The following PCDHA4 variants were observed in gnomAD, a reference collection of about 807,000 sequenced individuals.
The protein encoded by PCDHA4 is protocadherin alpha-4.
A neutral mutation model predicts 61.4 loss-of-function variants in PCDHA4; 49 were observed. The ratio of observed to expected loss-of-function variants is 0.80; its 90% CI spans 0.63 to 1.01. The LOEUF is 1.01. Ranked by LOEUF, PCDHA4 falls within the 50% of genes least tolerant of loss-of-function variation. The probability of loss-of-function intolerance (pLI) is 0.00; values close to 1 mark genes in which losing one functional copy is unlikely to be tolerated. For missense variants in PCDHA4, 1,254 were observed against 1,235.8 expected, an observed-to-expected ratio of 1.01 and a Z score of -0.22; for synonymous variants, 590 against 550.3, an observed-to-expected ratio of 1.07 and a Z score of -1.01.
chr5:140,927,317 G>T (rs782172424), intron 1 of PCDHA4: 3 of 1,614,146 alleles, frequency 1.9e-6, no homozygotes, highest in Admixed American at 1.7e-5. Flanking sequence ...CCCGGAGCCC[G>T]CTTTACTCTC....
At chr5:140,954,618 G>C (rs1312581802) in intron 1 of PCDHA4, among the ~76,000 whole-genome samples, 3 of 152,078 alleles carry the variant, frequency 2.0e-5, no homozygotes, top group Non-Finnish European at 2.9e-5. Flanking sequence ...TAATGGGCTT[G>C]TTTGGGTTTT....
rs2150234771 is a variant in PCDHA4, at chr5:140,835,383, T to C, written c.2385+25811T>C. ...AGGCTTCCCACCCCTGGCTGGTCAT[T>C]GTACAGTTCTTGTGGAAGTTGTGGA... On this transcript the variant is annotated intron_variant, in intron 1 of 3. Coordinates refer to ENST00000530339, the MANE Select transcript of PCDHA4 (RefSeq NM_018907.4). The C allele has an allele frequency of 7.4e-6, 12 of 1,613,968 alleles. No individual in the cohort carries two copies. In the South Asian group the frequency reaches 1.3e-4, roughly 18 times the overall value.
intron 1 of PCDHA4, among the ~76,000 whole-genome samples, chr5:140,955,604 C>T (rs1431862665): frequency 7.2e-5 from 11 of 152,060 alleles, no homozygotes; most frequent in Non-Finnish European, 1.5e-4. Context: ...TATAAATTAC[C>T]CAGTCTCAGG....
chr5:140,857,980 G>A (rs2045073152), intron 1 of PCDHA4: 1 of 1,597,100 alleles, frequency 6.3e-7, no homozygotes, highest in Non-Finnish European at 8.6e-7. Context: ...CGCCACGCCA[G>A]CGCCTACTGG....
chr5:140,850,208 G>A lies in PCDHA4; in HGVS notation c.2385+40636G>A, dbSNP rs2150473240. On this transcript the variant is annotated intron_variant, in intron 1 of 3. Transcript: ENST00000530339. Reference sequence around the variant, plus strand: ...CGGCGCTGCTGACACCTCGGATGAGGGGCACTGACGGCGCAGTGAGCGAGA... The same window carrying A: ...CGGCGCTGCTGACACCTCGGATGAGAGGCACTGACGGCGCAGTGAGCGAGA... 6.3e-6 allele frequency: 10 copies of A among 1,593,574 alleles called. 2 individuals carry two copies. The highest frequency in any genetic ancestry group is 6.9e-6 in the Non-Finnish European group (8 of 1,167,640).
chr5:140,842,127 C>A (rs2150329918), intron 1 of PCDHA4: 3 of 1,613,572 alleles, frequency 1.9e-6, no homozygotes, highest in African/African-American at 1.3e-5. Context: ...GCTTCTGATC[C>A]GGATGAAGGA....
In PCDHA4 at chr5:141,009,805, A is replaced by G. The variant is rs1358613672; in HGVS notation, c.2712A>G (p.Gln904=). The change falls in exon 4 of 4, where the codon CAA becomes CAG. Residue 904 remains glutamine, a synonymous_variant. Transcript: ENST00000530339. ...ISIRQEPTNS[Q]IDKSDFITFG... ...TCCGGCAGGAGCCTACTAACAGCCAAATTGACAAAAGTGACTTCATAACCT... is the reference window on the plus strand; with the variant it reads ...TCCGGCAGGAGCCTACTAACAGCCAGATTGACAAAAGTGACTTCATAACCT... The G allele has an allele frequency of 3.1e-6, 5 of 1,613,974 alleles. No homozygotes were observed. Among genetic ancestry groups the G allele is most frequent in the African/African-American group, 1.3e-5 (1 of 74,898 alleles).
At chr5:140,899,032 A>G (rs1377878756) in intron 1 of PCDHA4, among the ~76,000 whole-genome samples, 2 of 151,890 alleles carry the variant, frequency 1.3e-5, no homozygotes, top group African/African-American at 4.8e-5. Context: ...ATTTTTGTAC[A>G]TTGATTTTGT....
At chr5:140,913,122 C>A (rs2076217505) in intron 1 of PCDHA4, among the ~76,000 whole-genome samples, 1 of 152,158 alleles carries the variant, frequency 6.6e-6, no homozygotes, top group African/African-American at 2.4e-5. Context: ...TGGAAGTTAA[C>A]CCCTCCTCTA....
intron 1 of PCDHA4, among the ~76,000 whole-genome samples, chr5:140,937,417 A>T (rs1226073587): frequency 5.3e-5 from 8 of 152,154 alleles, no homozygotes; most frequent in African/African-American, 1.9e-4. Context: ...CTTTTATTAG[A>T]TAGCTGATAT....
At chr5:140,959,583 A>G (rs529440681) in intron 1 of PCDHA4, among the ~76,000 whole-genome samples, 10 of 152,332 alleles carry the variant, frequency 6.6e-5, no homozygotes, top group Admixed American at 1.3e-4. Flanking sequence ...TTTCAATTCT[A>G]TCAGCCAAGT....
In PCDHA4 at chr5:140,876,147, T is replaced by A. The variant is rs183600546; in HGVS notation, c.2385+66575T>A. 4.3e-6 allele frequency: 7 copies of A among 1,613,994 alleles called. No individual in the cohort carries two copies. The Admixed American group carries it at 1.2e-4, about 27-fold the overall frequency. ...GCGGTAAACCAGAACTAACAGGGTC[T>A]GTCCAGATTCAAATAACCGTCCTGG... is the stretch of plus-strand genomic sequence containing the variant. On this transcript the variant is annotated intron_variant, in intron 1 of 3. Transcript: ENST00000530339.
At chr5:140,920,636 G>C (rs1477753704) in intron 1 of PCDHA4, among the ~76,000 whole-genome samples, 1 of 152,096 alleles carries the variant, frequency 6.6e-6, no homozygotes, top group Non-Finnish European at 1.5e-5. Context: ...ACAAGGTCAA[G>C]AGATTGAGAC....
chr5:140,869,014 T>C (rs929309556), intron 1 of PCDHA4: 5 of 1,524,414 alleles, frequency 3.3e-6, no homozygotes, highest in Admixed American at 2.2e-5. Flanking sequence ...TGAAACTTCT[T>C]AAGAATTCAA....
intron 1 of PCDHA4, among the ~76,000 whole-genome samples, chr5:140,826,940 G>A (rs1769124499): frequency 6.6e-6 from 1 of 152,040 alleles, no homozygotes; most frequent in South Asian, 2.1e-4. Context: ...AGGTGGATGT[G>A]GAATAAGGCA....
At chr5:140,924,507 C>T (rs2081871616) in intron 1 of PCDHA4, among the ~76,000 whole-genome samples, 1 of 152,168 alleles carries the variant, frequency 6.6e-6, no homozygotes, top group African/African-American at 2.4e-5. Context: ...CAATCCCACT[C>T]TTAGTGTTAA....
At chr5:140,830,805 C>A (rs1771253279) in intron 1 of PCDHA4, 1 of 158,172 alleles carries the variant, frequency 6.3e-6, no homozygotes, top group Non-Finnish European at 1.4e-5. Flanking sequence ...ATGGGATTTT[C>A]ATTTGTTTGC....
intron 1 of PCDHA4, among the ~76,000 whole-genome samples, chr5:140,881,750 C>T (rs1161973911): frequency 6.6e-6 from 1 of 152,092 alleles, no homozygotes; most frequent in Non-Finnish European, 1.5e-5. Flanking sequence ...AGGACAGTAC[C>T]ACAAAAACCT....
intron 1 of PCDHA4, among the ~76,000 whole-genome samples, chr5:140,952,160 G>C (rs952147312): frequency 6.6e-6 from 1 of 152,044 alleles, no homozygotes; most frequent in Non-Finnish European, 1.5e-5. Flanking sequence ...GGCTTTGTGG[G>C]GTTCAGTTCC....
Sources: allele counts gnomAD v4.1 joint callset (sites outside exome capture counted in the v4.1 genomes callset), GRCh38; gene constraint gnomAD v4.1.1; transcripts MANE v1.5; gene names NCBI Gene and HGNC (gene_info 2026-07-23, HGNC 2026-07-21).